The following P4HB variants were observed in gnomAD, a reference collection of about 807,000 sequenced individuals.
The protein encoded by P4HB is prolyl 4-hydroxylase subunit beta.
A neutral mutation model predicts 52.6 loss-of-function variants in P4HB; 20 were observed. The ratio of observed to expected loss-of-function variants is 0.38; its 90% CI spans 0.27 to 0.55. The LOEUF is 0.55. Ranked by LOEUF, P4HB falls within the 20% of genes least tolerant of loss-of-function variation. The pLI, the probability that P4HB is intolerant of heterozygous loss-of-function variation, is 0.74. For synonymous variants in P4HB, 296 were observed against 277.9 expected (o/e 1.07, Z -0.65); for missense variants, 601 against 669.2 (o/e 0.90, Z 1.12).
chr17:81,854,769 G>A (rs1275100116), intron 4 of P4HB, among the ~76,000 whole-genome samples: 1 of 151,536 alleles, frequency 6.6e-6, no homozygotes, highest in Non-Finnish European at 1.5e-5. Flanking sequence ...TTGAACCCAG[G>A]AGGCGGAGGG....
chr17:81,853,185 A>C (rs1372048821), intron 4 of P4HB, among the ~76,000 whole-genome samples: 1 of 152,186 alleles, frequency 6.6e-6, no homozygotes, highest in Non-Finnish European at 1.5e-5. Context: ...ACATGGAAGC[A>C]AGCCATCCTG....
rs142731141 is a variant in P4HB at position 81,845,890 on chromosome 17, T to C, written c.1158A>G (p.Lys386=). The C allele has an allele frequency of 2.7e-4, 432 of 1,613,968 alleles. No homozygotes were observed. The highest frequency in any genetic ancestry group is 1.7e-3 in the Middle Eastern group (10 of 6,058). The stretch of plus-strand genomic sequence containing the variant: ...ACTTACAGAACTCCACAAAGACGTT[T>C]TTTTTCTCATCAAAAGCCACGTCTT... ...NFEDVAFDEK[K]NVFVEFYAPW... Residue 386 remains lysine (K), a synonymous_variant, in exon 8 of 11, where the codon AAA becomes AAG. Coordinates refer to ENST00000331483, the MANE Select transcript of P4HB (RefSeq NM_000918.4).
chr17:81,848,393 A>G (rs774633787), intron 4 of P4HB, among the ~76,000 whole-genome samples: 3 of 152,172 alleles, frequency 2.0e-5, no homozygotes, highest in Non-Finnish European at 4.4e-5. Context: ...GGGACAAACT[A>G]GTTTCCGTAA....
Position 81,845,599 on chromosome 17 carries a change from G to T in P4HB, c.1321C>A (p.Pro441Thr). 1 of 1,611,542 alleles carries T rather than the reference G, an allele frequency of 6.2e-7. No homozygotes were observed. Among genetic ancestry groups the T allele is most frequent in the Non-Finnish European group, 8.5e-7 (1 of 1,178,196 alleles). The change falls in exon 9 of 11, where the codon CCC becomes ACC. Residue 441 changes from proline (P) to threonine (T), a missense_variant. Coordinates refer to ENST00000331483, the MANE Select transcript of P4HB (RefSeq NM_000918.4). ...CTGGCAGGAAAGAACTTGAGTGTGG[G>T]GAAGCTGTGCACTTTGACGGCCTCC... is the stretch of plus-strand genomic sequence containing the variant. ...EVEAVKVHSF[P>T]TLKFFPASAD...
chr17:81,843,205 T>C lies in P4HB; in HGVS notation c.*807A>G. 3.2e-6 allele frequency: 1 copy of C among 309,464 alleles called. No individual in the cohort carries two copies. The highest frequency in any genetic ancestry group is 2.1e-5 in the African/African-American group (1 of 46,718). The allele number at this position is 309,464 out of a possible 1,614,324, so 19.2% of individuals were successfully genotyped here. A position where few individuals can be genotyped will look rare whatever the true frequency, so the allele number is the denominator to read the frequency against. On this transcript the variant is annotated 3_prime_UTR_variant, in exon 11 of 11. Coordinates refer to ENST00000331483, the MANE Select transcript of P4HB (RefSeq NM_000918.4). The stretch of plus-strand genomic sequence containing the variant: ...TATTTGGCCAATGTGTTCAATTCGA[T>C]TGTGAAATAGAAATGCCTGAAGAAC...
At chr17:81,852,301 A>G (rs549023874) in intron 4 of P4HB, among the ~76,000 whole-genome samples, 1 of 152,334 alleles carries the variant, frequency 6.6e-6, no homozygotes, top group East Asian at 1.9e-4. Flanking sequence ...CCTGGGTTGC[A>G]GTGCCTGCTA....
At chr17:81,847,370 G>A (rs966940264) in intron 4 of P4HB, 23 bp from the exon 5 acceptor site, 1 of 1,585,584 alleles carries the variant, frequency 6.3e-7, no homozygotes, top group Non-Finnish European at 8.7e-7. Context: ...AGAGGGCCCT[G>A]ACTGAGCATT....
At chr17:81,849,885 T>C (rs988802528) in intron 4 of P4HB, among the ~76,000 whole-genome samples, 2 of 152,148 alleles carry the variant, frequency 1.3e-5, no homozygotes, top group Non-Finnish European at 1.5e-5. Flanking sequence ...TGGAGTGCAA[T>C]GGCATGATCT....
chr17:81,851,985 C>T (rs2038839485), intron 4 of P4HB, among the ~76,000 whole-genome samples: 1 of 152,180 alleles, frequency 6.6e-6, no homozygotes, highest in African/African-American at 2.4e-5. Context: ...AAGTTCGAGA[C>T]CAGCCTGGGC....
Position 81,855,687 on chromosome 17 carries a change from A to G in P4HB, c.353-101T>C, listed in dbSNP as rs888002369. ...GCTCTCTGCCAGCCAGGCTGAGGAC[A>G]CCTGAATCAACCTAAGTAAGATGTT... On this transcript the variant is annotated intron_variant, in intron 2 of 10. Transcript: ENST00000331483. The surrounding 1 kb of genome is among the most constrained non-coding windows in gnomAD (Gnocchi z 4.3). The G allele has an allele frequency of 2.3e-6, 3 of 1,326,234 alleles. No individual in the cohort carries two copies. The highest frequency in any genetic ancestry group is 3.1e-6 in the Non-Finnish European group (3 of 973,520). The allele number at this position is 1,326,234 out of a possible 1,614,324, so 82.2% of individuals were successfully genotyped here.
rs1261258891 is a variant in P4HB, at chr17:81,855,477, C to T, written c.462G>A (p.Glu154=). 1 of 1,613,230 alleles carries T rather than the reference C, an allele frequency of 6.2e-7. No individual in the cohort carries two copies. The highest frequency in any genetic ancestry group is 1.3e-5 in the African/African-American group (1 of 74,916). The change falls in exon 3 of 11, where the codon GAG becomes GAA. Residue 154 remains glutamate (E), a synonymous_variant. Coordinates refer to ENST00000331483, the MANE Select transcript of P4HB (RefSeq NM_000918.4). The surrounding 1 kb of genome is among the most constrained non-coding windows in gnomAD (Gnocchi z 4.3). Reference sequence around the variant, plus strand: ...CCTTGAAGAAGCCGATGACAGCCACCTCGCTGGACTCCACCAAGGACTCTG... The same window carrying T: ...CCTTGAAGAAGCCGATGACAGCCACTTCGCTGGACTCCACCAAGGACTCTG... ...AAAESLVESS[E]VAVIGFFKDV...
intron 4 of P4HB, among the ~76,000 whole-genome samples, chr17:81,854,790 C>T (rs1224643732): frequency 1.3e-5 from 2 of 148,424 alleles, no homozygotes; most frequent in African/African-American, 5.0e-5. Context: ...TGCAGTGAGC[C>T]GAGATCACGC....
chr17:81,855,119 C>G lies in P4HB; in HGVS notation c.624+23G>C, dbSNP rs1412555234. 1 of 1,613,358 alleles carries G rather than the reference C, an allele frequency of 6.2e-7. No individual in the cohort carries two copies. The highest frequency in any genetic ancestry group is 2.2e-5 in the East Asian group (1 of 44,870). On this transcript the variant is annotated intron_variant, in intron 4 of 10. Coordinates refer to ENST00000331483, the MANE Select transcript of P4HB (RefSeq NM_000918.4). This position sits in a 1 kb window ranked among gnomAD's most constrained non-coding sequence, Gnocchi z 4.3. The stretch of plus-strand genomic sequence containing the variant: ...AGACCAACCCCAGAACTAACCTGGG[C>G]AGAGCTGCCTGGGGCCACTCACCTT...
Position 81,846,587 on chromosome 17 carries a change from G to A in P4HB, c.898C>T (p.Arg300Cys), listed in dbSNP as rs2038739265. Residue 300 changes from arginine to cysteine, a missense_variant, in exon 7 of 11, where the codon CGC (arginine) becomes TGC (cysteine). Physicochemically the swap from Arg to Cys is radical, Grantham distance 180 (BLOSUM62 -3). Coordinates refer to ENST00000331483, the MANE Select transcript of P4HB (RefSeq NM_000918.4). The surrounding 1 kb of genome is among the most constrained non-coding windows in gnomAD (Gnocchi z 5.7). ...FIDSDHTDNQ[R>C]ILEFFGLKKE... ...TTCAGGCCAAAGAACTCGAGGATGC[G>A]CTGGTTGTCGGTGTGGTCGCTGTCG... is the stretch of plus-strand genomic sequence containing the variant. 4 of 1,614,066 alleles carry A rather than the reference G, an allele frequency of 2.5e-6. No individual in the cohort carries two copies. Among genetic ancestry groups the A allele is most frequent in the Non-Finnish European group, 3.4e-6 (4 of 1,180,028 alleles).
intron 4 of P4HB, among the ~76,000 whole-genome samples, chr17:81,851,912 A>G (rs961045077): frequency 2.0e-5 from 3 of 152,230 alleles, no homozygotes; most frequent in Non-Finnish European, 2.9e-5. Flanking sequence ...GCCGGGTGGT[A>G]TGGCTCACGC....
rs571062690 is a variant in P4HB at position 81,855,388 on chromosome 17, C to T, written c.486+65G>A. The T allele has an allele frequency of 6.3e-7, 1 of 1,595,626 alleles. No individual in the cohort carries two copies. Among genetic ancestry groups the T allele is most frequent in the Non-Finnish European group, 8.6e-7 (1 of 1,167,498 alleles). On this transcript the variant is annotated intron_variant, in intron 3 of 10. Coordinates refer to ENST00000331483, the MANE Select transcript of P4HB (RefSeq NM_000918.4). The surrounding 1 kb of genome is among the most constrained non-coding windows in gnomAD (Gnocchi z 4.3). ...GGGACACGTGCAGAACTGCCAGCTGCAGGCTGTGGACCCCTCCTCAATGGA... is the reference window on the plus strand; with the variant it reads ...GGGACACGTGCAGAACTGCCAGCTGTAGGCTGTGGACCCCTCCTCAATGGA...
Position 81,855,365 on chromosome 17 carries a change from GA to G in P4HB, c.486+87del. On this transcript the variant is annotated intron_variant, in intron 3 of 10. Transcript: ENST00000331483. The surrounding 1 kb of genome is among the most constrained non-coding windows in gnomAD (Gnocchi z 4.3). ...ACCCTGTAGAGCCCAGGCCAGGGGG[GA>G]CACGTGCAGAACTGCCAGCTGCAGG... 6.3e-7 allele frequency: 1 copy of G among 1,598,086 alleles called. No homozygotes were observed. The highest frequency in any genetic ancestry group is 8.6e-7 in the Non-Finnish European group (1 of 1,168,570).
chr17:81,843,372 C>A lies in P4HB; in HGVS notation c.*640G>T, dbSNP rs190537631. 2.0e-5 allele frequency: 8 copies of A among 397,790 alleles called. No homozygotes were observed. The highest frequency in any genetic ancestry group is 3.6e-5 in the East Asian group (1 of 28,054). The allele number at this position is 397,790 out of a possible 1,614,324, so 24.6% of individuals were successfully genotyped here. A position where few individuals can be genotyped will look rare whatever the true frequency, so the allele number is the denominator to read the frequency against. Reference sequence around the variant, plus strand: ...ATGAGCCCACGACAGGAGGAGGAGCCCTGGCTTGAGGGAAGGGGAAGGCCC... The same window carrying A: ...ATGAGCCCACGACAGGAGGAGGAGCACTGGCTTGAGGGAAGGGGAAGGCCC... On this transcript the variant is annotated 3_prime_UTR_variant, in exon 11 of 11. Coordinates refer to ENST00000331483, the MANE Select transcript of P4HB (RefSeq NM_000918.4).
At position 81,860,397 on chromosome 17, in the gene P4HB, G is replaced by A. The variant is rs757726015; in HGVS notation, c.75C>T (p.His25=). Residue 25 remains histidine, a synonymous_variant, in exon 1 of 11, where the codon CAC becomes CAT. Transcript: ENST00000331483. ...AGTTGCTTTTCCGCAGCACCAGGAC[G>A]TGGTCCTCCTCCTCGGGGGCGTCGG... is the stretch of plus-strand genomic sequence containing the variant. ...VRADAPEEED[H]VLVLRKSNFA... The A allele has an allele frequency of 3.4e-6, 5 of 1,461,584 alleles. No individual in the cohort carries two copies. In the African/African-American group the frequency reaches 5.9e-5, roughly 17 times the overall value. The allele number at this position is 1,461,584 out of a possible 1,614,324, so 90.5% of individuals were successfully genotyped here.
Sources: allele counts gnomAD v4.1 joint callset (sites outside exome capture counted in the v4.1 genomes callset), GRCh38; gene constraint gnomAD v4.1.1; non-coding constraint Gnocchi (gnomAD v3.1); transcripts MANE v1.5; gene names NCBI Gene and HGNC (gene_info 2026-07-23, HGNC 2026-07-21).